FYB1: variants seen among roughly 807,000 people sequenced by gnomAD.
The protein encoded by FYB1 is FYN-binding protein 1.
In FYB1, 41 loss-of-function variants were observed where a neutral mutation model predicts 94.1. The ratio of observed to expected loss-of-function variants is 0.44; its 90% CI spans 0.34 to 0.57. The LOEUF is 0.57. Ranked by LOEUF, FYB1 falls within the 20% of genes least tolerant of loss-of-function variation. The probability of loss-of-function intolerance (pLI) is 0.02; values close to 1 mark genes in which losing one functional copy is unlikely to be tolerated. For synonymous variants in FYB1, 367 were observed against 353.2 expected (o/e 1.04, Z -0.44); for missense variants, 1,050 against 976.8 (o/e 1.07, Z -1.00).
At chr5:39,108,371 C>A in intron 17 of FYB1, 109 bp from the exon 18 acceptor site, 2 of 985,746 alleles carry the variant, frequency 2.0e-6, no homozygotes, top group South Asian at 3.8e-5. Context: ...ACAATTAAGA[C>A]TTTTAAGCAT....
chr5:39,201,878 G>C lies in FYB1; in HGVS notation c.1083C>G (p.Asn361Lys), dbSNP rs370543746. ...FTLGPPPPKP[N>K]RPPNVDLTKF... ...TCGTCAGGTCAACATTTGGTGGTCTGTTGGGTTTTGGTGGAGGTGGACCCA... is the reference window on the plus strand; with the variant it reads ...TCGTCAGGTCAACATTTGGTGGTCTCTTGGGTTTTGGTGGAGGTGGACCCA... The change falls in exon 2 of 19, where the codon AAC (asparagine) becomes AAG (lysine). Residue 361 changes from asparagine (N) to lysine (K), a missense_variant. Physicochemically the swap from Asn to Lys is moderately conservative, Grantham distance 94. Coordinates refer to ENST00000512982, the MANE Select transcript of FYB1 (RefSeq NM_001465.6). The C allele has an allele frequency of 9.0e-5, 145 of 1,613,896 alleles. No homozygotes were observed. The highest frequency in any genetic ancestry group is 3.3e-4 in the Middle Eastern group (2 of 6,084).
In FYB1 at chr5:39,202,610, G is replaced by T. The variant is rs1238881058; in HGVS notation, c.351C>A (p.Pro117=). 6.2e-7 allele frequency: 1 copy of T among 1,613,884 alleles called. No individual in the cohort carries two copies. The highest frequency in any genetic ancestry group is 2.2e-5 in the East Asian group (1 of 44,872). Reference sequence around the variant, plus strand: ...TGGAATCTTCTTTGGGCAAGTTGATGGGCTTGGGGCCTACAGGTTTCAGAA... The same window carrying T: ...TGGAATCTTCTTTGGGCAAGTTGATTGGCTTGGGGCCTACAGGTTTCAGAA... ...VGFLKPVGPK[P]INLPKEDSKP... is the part of the protein sequence containing the mutation. The change falls in exon 2 of 19, where the codon CCC becomes CCA. Residue 117 remains proline, a synonymous_variant. Transcript: ENST00000512982.
At position 39,202,382 on chromosome 5, in the gene FYB1, G is replaced by T. The variant is rs930524088; in HGVS notation, c.579C>A (p.Phe193Leu). The T allele has an allele frequency of 6.2e-7, 1 of 1,613,998 alleles. No homozygotes were observed. Among genetic ancestry groups the T allele is most frequent in the East Asian group, 2.2e-5 (1 of 44,868 alleles). Residue 193 changes from phenylalanine to leucine, a missense_variant, in exon 2 of 19, where the codon TTC becomes TTA. Physicochemically the swap from Phe to Leu is conservative, Grantham distance 22 (BLOSUM62 0). Transcript: ENST00000512982. ...GCTTCTGGCCAAAGGCGGGTTTGGG[G>T]AAGAGGGGCTTGGGTTCAAGATCTT... ...ASQDLEPKPL[F>L]PKPAFGQKPP...
At chr5:39,108,296 A>G (rs1738715465) in intron 17 of FYB1, 34 bp from the exon 18 acceptor site, 1 of 1,494,516 alleles carries the variant, frequency 6.7e-7, no homozygotes, top group Admixed American at 2.1e-5. Context: ...TATTTTAAAG[A>G]AACTATGTTC....
At chr5:39,258,092 T>C (rs980980835) in intron 1 of FYB1, among the ~76,000 whole-genome samples, 2 of 152,160 alleles carry the variant, frequency 1.3e-5, no homozygotes, top group African/African-American at 4.8e-5. Flanking sequence ...TCTATTAAGT[T>C]CCCAGGTGAT....
Position 39,207,143 on chromosome 5 carries a change from A to C in FYB1, c.-27-4156T>G, listed in dbSNP as rs1430825485. Among the ~76,000 whole-genome samples the C allele has an allele frequency of 2.6e-5, 4 of 152,192 alleles. 1 individual carries two copies. Among genetic ancestry groups the C allele is most frequent in the African/African-American group, 9.7e-5 (4 of 41,434 alleles). Reference sequence around the variant, plus strand: ...AATCTGGAAGACATCAGATTGTGAAATTCAATTTGCAATTTGCAATTTGAA... The same window carrying C: ...AATCTGGAAGACATCAGATTGTGAACTTCAATTTGCAATTTGCAATTTGAA... On this transcript the variant is annotated intron_variant, in intron 1 of 18. Transcript: ENST00000512982.
chr5:39,162,412 T>C (rs553012031), intron 2 of FYB1, among the ~76,000 whole-genome samples: 3 of 152,128 alleles, frequency 2.0e-5, no homozygotes, highest in African/African-American at 7.2e-5. Flanking sequence ...GTAGGCTGGG[T>C]GCTGTGGCTC....
intron 2 of FYB1, among the ~76,000 whole-genome samples, chr5:39,182,498 T>C (rs1167640216): frequency 6.6e-6 from 1 of 152,158 alleles, no homozygotes; most frequent in Non-Finnish European, 1.5e-5. Flanking sequence ...TTTAATTACA[T>C]AAAGGCTTTC....
At chr5:39,122,545 G>A in intron 13 of FYB1, 143 bp from the exon 14 acceptor site, 1 of 561,262 alleles carries the variant, frequency 1.8e-6, no homozygotes, top group African/African-American at 2.0e-5. Flanking sequence ...TCTCCTGGAA[G>A]CATTGTCTGC....
chr5:39,130,185 A>T (rs1016117393), intron 10 of FYB1, among the ~76,000 whole-genome samples: 1 of 152,078 alleles, frequency 6.6e-6, no homozygotes, highest in Non-Finnish European at 1.5e-5. Flanking sequence ...ACTCACACAT[A>T]TGTGGGAGCT....
intron 1 of FYB1, among the ~76,000 whole-genome samples, chr5:39,233,565 A>T (rs1750837509): frequency 1.3e-5 from 2 of 152,298 alleles, no homozygotes; most frequent in Admixed American, 1.3e-4. Flanking sequence ...ATTTAAAATA[A>T]CAATAAATCA....
At chr5:39,225,063 C>G (rs2150560853) in intron 1 of FYB1, among the ~76,000 whole-genome samples, 1 of 152,298 alleles carries the variant, frequency 6.6e-6, no homozygotes, top group South Asian at 2.1e-4. Flanking sequence ...GGTATGAGAA[C>G]AGTGTCTGCT....
intron 1 of FYB1, among the ~76,000 whole-genome samples, chr5:39,257,792 A>T (rs1752020546): frequency 6.6e-6 from 1 of 150,926 alleles, no homozygotes; most frequent in Non-Finnish European, 1.5e-5. Flanking sequence ...TGGATGTTTC[A>T]ATCATTTGGA....
At chr5:39,257,328 T>C (rs1382435048) in intron 1 of FYB1, among the ~76,000 whole-genome samples, 1 of 151,900 alleles carries the variant, frequency 6.6e-6, no homozygotes, top group Non-Finnish European at 1.5e-5. Flanking sequence ...AAGGTCCTAA[T>C]ATGAAAAAAA....
At chr5:39,197,769 C>T (rs1019854231) in intron 2 of FYB1, among the ~76,000 whole-genome samples, 1 of 152,216 alleles carries the variant, frequency 6.6e-6, no homozygotes, top group Non-Finnish European at 1.5e-5. Flanking sequence ...TCTGGGGGCA[C>T]TTGTGACCTA....
chr5:39,179,494 T>C (rs898225139), intron 2 of FYB1, among the ~76,000 whole-genome samples: 8 of 152,144 alleles, frequency 5.3e-5, no homozygotes, highest in Admixed American at 1.3e-4. Context: ...CCACGGATGC[T>C]CTGAGTTACA....
At chr5:39,179,617 C>T (rs758629762) in intron 2 of FYB1, among the ~76,000 whole-genome samples, 17 of 148,398 alleles carry the variant, frequency 1.1e-4, no homozygotes, top group Non-Finnish European at 2.5e-4. Flanking sequence ...GCGATCTCAA[C>T]TCACTGCAAC....
chr5:39,227,736 C>G (rs766863987), intron 1 of FYB1, among the ~76,000 whole-genome samples: 1 of 152,184 alleles, frequency 6.6e-6, no homozygotes, highest in Non-Finnish European at 1.5e-5. Flanking sequence ...ATTGAAGTCA[C>G]CTGCCTGAAT....
At chr5:39,245,892 G>T (rs573412549) in intron 1 of FYB1, among the ~76,000 whole-genome samples, 3 of 152,198 alleles carry the variant, frequency 2.0e-5, no homozygotes, top group African/African-American at 7.2e-5. Flanking sequence ...GAGCCACTGC[G>T]TCTGGCCTGG....
Sources: allele counts gnomAD v4.1 joint callset (sites outside exome capture counted in the v4.1 genomes callset), GRCh38; gene constraint gnomAD v4.1.1; transcripts MANE v1.5; gene names NCBI Gene and HGNC (gene_info 2026-07-23, HGNC 2026-07-21).